The following ZBTB7C variants were observed in gnomAD, a reference collection of about 807,000 sequenced individuals.
The protein encoded by ZBTB7C is zinc finger and BTB domain containing 7C, also known as zinc finger and BTB domain-containing protein 7C.
A neutral mutation model predicts 25.7 loss-of-function variants in ZBTB7C; 8 were observed. The ratio of observed to expected loss-of-function variants is 0.31; its 90% CI spans 0.18 to 0.56. The LOEUF (loss-of-function observed/expected upper bound fraction) is 0.56. Among genes scored for constraint, ZBTB7C ranks in the 20% least tolerant of loss-of-function variants. ZBTB7C has a pLI of 0.91. For missense variants in ZBTB7C, 824 were observed against 855.2 expected, an observed-to-expected ratio of 0.96 and a Z score of 0.46; for synonymous variants, 394 against 369.0, an observed-to-expected ratio of 1.07 and a Z score of -0.78.
At chr18:48,330,491 C>T (rs1256822411) in intron 2 of ZBTB7C, among the ~76,000 whole-genome samples, 1 of 152,164 alleles carries the variant, frequency 6.6e-6, no homozygotes, top group African/African-American at 2.4e-5. Flanking sequence ...CACCTCCACT[C>T]AAGTCACCAC....
intron 2 of ZBTB7C, among the ~76,000 whole-genome samples, chr18:48,205,210 A>G (rs765333782): frequency 6.6e-6 from 1 of 152,200 alleles, no homozygotes; most frequent in Non-Finnish European, 1.5e-5. Context: ...AGGCAAGACT[A>G]GAACAAATAA....
chr18:48,379,275 T>C (rs568206560), intron 1 of ZBTB7C, among the ~76,000 whole-genome samples: 1 of 152,316 alleles, frequency 6.6e-6, no homozygotes, highest in South Asian at 2.1e-4. Context: ...TAAATTAGCC[T>C]GGAAACTGGG....
At chr18:48,165,035 A>G in intron 3 of ZBTB7C, 1 of 1,225,928 alleles carries the variant, frequency 8.2e-7, no homozygotes, top group Admixed American at 2.8e-5. Flanking sequence ...AATTCTATAC[A>G]TCCTGTTGCT....
chr18:48,083,717 C>T, intron 3 of ZBTB7C: 1 of 535,328 alleles, frequency 1.9e-6, no homozygotes, highest in Non-Finnish European at 2.4e-6. Context: ...AAATCCATTT[C>T]AGTGCCCTTA....
intron 2 of ZBTB7C, among the ~76,000 whole-genome samples, chr18:48,307,785 T>G (rs1456258664): frequency 6.6e-6 from 1 of 152,114 alleles, no homozygotes; most frequent in Non-Finnish European, 1.5e-5. Context: ...GAGGCGGAGA[T>G]TGCAGTGAGC....
At chr18:48,130,424 T>A (rs2039951937) in intron 3 of ZBTB7C, among the ~76,000 whole-genome samples, 1 of 152,130 alleles carries the variant, frequency 6.6e-6, no homozygotes, top group Admixed American at 6.5e-5. Flanking sequence ...TCCTACCATA[T>A]CACAGTTGTG....
intron 2 of ZBTB7C, among the ~76,000 whole-genome samples, chr18:48,319,466 A>C (rs1167111359): frequency 6.6e-6 from 1 of 152,158 alleles, no homozygotes; most frequent in Non-Finnish European, 1.5e-5. Flanking sequence ...CCTTGGCACT[A>C]TGGGGGGACG....
chr18:48,160,160 G>A (rs528050924), intron 3 of ZBTB7C, among the ~76,000 whole-genome samples: 3 of 152,298 alleles, frequency 2.0e-5, no homozygotes, highest in African/African-American at 7.2e-5. Context: ...GCTCCGATGG[G>A]GGTCACTGCT....
intron 3 of ZBTB7C, among the ~76,000 whole-genome samples, chr18:48,113,571 G>A (rs781351808): frequency 1.2e-4 from 19 of 152,234 alleles, no homozygotes; most frequent in Non-Finnish European, 2.5e-4. Context: ...GGCCTAGGGT[G>A]TGGCCATTTT....
intron 2 of ZBTB7C, among the ~76,000 whole-genome samples, chr18:48,264,165 T>G (rs2044246637): frequency 6.6e-6 from 1 of 152,168 alleles, no homozygotes; most frequent in Non-Finnish European, 1.5e-5. Context: ...GTGGGTGACA[T>G]CTCTACAGTC....
chr18:48,174,741 G>T (rs769591091), intron 3 of ZBTB7C, among the ~76,000 whole-genome samples: 45 of 152,200 alleles, frequency 3.0e-4, no homozygotes, highest in Middle Eastern at 3.2e-3. Context: ...GATATGAAGT[G>T]ACTGCCAGGA....
rs138389651 is a variant in ZBTB7C, at chr18:48,181,073, A to G, written c.-17+4861T>C. ...ATTGTTGTGAGGATTATGTTAATTA[A>G]TAAATGTAAAATGGTTGAAATAGTG... On this transcript the variant is annotated intron_variant, in intron 3 of 4. Coordinates refer to ENST00000590800, the MANE Select transcript of ZBTB7C (RefSeq NM_001318841.2). Among the ~76,000 whole-genome samples, 130 of 152,366 alleles carry G rather than the reference A, an allele frequency of 8.5e-4. 1 individual carries two copies. Among genetic ancestry groups the G allele is most frequent in the African/African-American group, 2.9e-3 (122 of 41,588 alleles).
intron 3 of ZBTB7C, among the ~76,000 whole-genome samples, chr18:48,071,202 G>A (rs2037527248): frequency 6.6e-6 from 1 of 152,122 alleles, no homozygotes; most frequent in South Asian, 2.1e-4. Flanking sequence ...AGATCCAGGG[G>A]GTATTGTGAT....
chr18:48,354,141 A>G (rs925918994), intron 1 of ZBTB7C, among the ~76,000 whole-genome samples: 4 of 152,106 alleles, frequency 2.6e-5, no homozygotes, highest in African/African-American at 9.7e-5. Flanking sequence ...ACAAAACTCC[A>G]TCTTTCTTTG....
At chr18:48,162,462 AATAGGGACTTC>A (rs2041096087) in intron 3 of ZBTB7C, 1 of 450,708 alleles carries the variant, frequency 2.2e-6, no homozygotes. Flanking sequence ...CCTGGCACAT[AATAGGGACTTC>A]ATAGACAGTT....
intron 2 of ZBTB7C, among the ~76,000 whole-genome samples, chr18:48,270,025 C>T (rs543345901): frequency 4.9e-4 from 75 of 152,086 alleles, no homozygotes; most frequent in African/African-American, 1.8e-3. Context: ...AAAGGCATTC[C>T]AGACAAATAA....
chr18:48,372,442 C>T (rs552121258), intron 1 of ZBTB7C, among the ~76,000 whole-genome samples: 14 of 152,324 alleles, frequency 9.2e-5, no homozygotes, highest in Non-Finnish European at 1.3e-4. Context: ...GTGTCACTTC[C>T]GCGCTGAGGG....
intron 3 of ZBTB7C, among the ~76,000 whole-genome samples, chr18:48,109,724 C>T (rs6507805): frequency 0.28 from 42,899 of 151,934 alleles, 6,355 homozygotes; most frequent in African/African-American, 0.36. Flanking sequence ...GCAAGGGCTG[C>T]GGAGGTGCAT....
intron 3 of ZBTB7C, among the ~76,000 whole-genome samples, chr18:48,161,999 T>C (rs1056108856): frequency 7.2e-6 from 1 of 138,600 alleles, no homozygotes; most frequent in African/African-American, 2.5e-5. Flanking sequence ...GGTTACCGCC[T>C]GAGAGGCCGG....
Sources: gnomAD v4.1 joint callset for allele counts (sites outside exome capture counted in the v4.1 genomes callset) on GRCh38, gnomAD v4.1.1 for gene constraint, MANE v1.5 for transcripts, NCBI Gene and HGNC (gene_info 2026-07-23, HGNC 2026-07-21) for gene names.